The following OTUD7B variants were observed in gnomAD, a reference collection of about 807,000 sequenced individuals.
OTUD7B encodes OTU domain-containing protein 7B.
A neutral mutation model predicts 82.2 loss-of-function variants in OTUD7B; 34 were observed. The ratio of observed to expected loss-of-function variants is 0.41; its 90% confidence interval spans 0.31 to 0.55. The LOEUF is 0.55. Ranked by LOEUF, OTUD7B falls within the 20% of genes least tolerant of loss-of-function variation. The pLI is 0.20. For synonymous variants in OTUD7B, 398 were observed against 402.7 expected (o/e 0.99, Z 0.14); for missense variants, 944 against 1,062.1 (o/e 0.89, Z 1.55).
At chr1:150,040,591 T>C in the OTUD7B span, among the ~76,000 whole-genome samples, 1 of 152,222 alleles carries the variant, frequency 6.6e-6, no homozygotes, top group African/African-American at 2.4e-5. Context: ...AGAAATATAT[T>C]GCAAATGTCT....
chr1:149,956,131 C>T (rs908894066), intron 7 of OTUD7B, among the ~76,000 whole-genome samples: 6 of 152,088 alleles, frequency 3.9e-5, no homozygotes, highest in Non-Finnish European at 7.4e-5. Context: ...TTCCTAGCAT[C>T]GATGGTCTTT....
intron 1 of OTUD7B, among the ~76,000 whole-genome samples, chr1:150,002,814 CACTCTCAATAAATGT>C: frequency 6.6e-6 from 1 of 152,298 alleles, no homozygotes; most frequent in Admixed American, 6.5e-5. Flanking sequence ...TAAATATGAT[CACTCTCAATAAATGT>C]GTTCAGTATA....
At chr1:150,058,307 G>T in the OTUD7B span, among the ~76,000 whole-genome samples, 1 of 152,182 alleles carries the variant, frequency 6.6e-6, no homozygotes, top group South Asian at 2.1e-4. Context: ...AGGAGTTCGA[G>T]ATCAGCCTGG....
chr1:149,999,766 A>C (rs1254290587), intron 1 of OTUD7B, among the ~76,000 whole-genome samples: 1 of 152,228 alleles, frequency 6.6e-6, no homozygotes, highest in African/African-American at 2.4e-5. Context: ...GTCGTGTCTT[A>C]ATTCTTCACA....
Position 149,959,707 on chromosome 1 carries a change from A to T in OTUD7B, c.822T>A (p.Gly274=), listed in dbSNP as rs782262593. 140 of 1,612,828 alleles carry T rather than the reference A, an allele frequency of 8.7e-5. No individual in the cohort carries two copies. The highest frequency in any genetic ancestry group is 1.1e-4 in the Non-Finnish European group (132 of 1,179,036). The change falls in exon 7 of 12, where the codon GGT becomes GGA. Residue 274 remains glycine (G), a synonymous_variant. Transcript: ENST00000581312. The part of the protein sequence containing the change: ...LASSEPRMHL[G]TNGANCGGVE... ...ACCCACCACAGTTGGCTCCATTGGTACCTAGATGCATTCGGGGTTCACTTG... is the reference window on the plus strand; with the variant it reads ...ACCCACCACAGTTGGCTCCATTGGTTCCTAGATGCATTCGGGGTTCACTTG...
chr1:149,941,743 T>G lies in OTUD7B; in HGVS notation c.*2114A>C, dbSNP rs781959828. ...TCAGATCCTGTAAGATTTCGCTATT[T>G]TATCCAACATAAATTTTTTGCATTA... On this transcript the variant is annotated 3_prime_UTR_variant, in exon 12 of 12. Transcript: ENST00000581312. The G allele has an allele frequency of 6.6e-6, 1 of 152,210 alleles. No homozygotes were observed. Among genetic ancestry groups the G allele is most frequent in the Non-Finnish European group, 1.5e-5 (1 of 68,042 alleles). The allele number at this position is 152,210 out of a possible 1,614,324, so 9.4% of individuals were successfully genotyped here.
At position 149,977,125 on chromosome 1, in the gene OTUD7B, A is replaced by C. The variant is rs782576660; in HGVS notation, c.85+301T>G. Among the ~76,000 whole-genome samples, 51 of 152,314 alleles carry C rather than the reference A, an allele frequency of 3.3e-4. 1 individual carries two copies. Among genetic ancestry groups the C allele is most frequent in the African/African-American group, 1.2e-3 (48 of 41,568 alleles). On this transcript the variant is annotated intron_variant, in intron 2 of 11. Coordinates refer to ENST00000581312, the MANE Select transcript of OTUD7B (RefSeq NM_020205.4). Reference sequence around the variant, plus strand: ...AACAGAGCGAGACTCTGTCTCAAAAATAAATAAATAAAATAAAATAAAATA... The same window carrying C: ...AACAGAGCGAGACTCTGTCTCAAAACTAAATAAATAAAATAAAATAAAATA...
chr1:149,996,544 A>T (rs1651937987), intron 1 of OTUD7B, among the ~76,000 whole-genome samples: 1 of 152,182 alleles, frequency 6.6e-6, no homozygotes, highest in South Asian at 2.1e-4. Flanking sequence ...TTGATTTGTG[A>T]CCTTGGGTAA....
At chr1:150,062,809 G>C in the OTUD7B span, among the ~76,000 whole-genome samples, 1 of 145,376 alleles carries the variant, frequency 6.9e-6, no homozygotes, top group Non-Finnish European at 1.5e-5. Flanking sequence ...CCACCTCCCG[G>C]GTTTAAGCGA....
chr1:149,950,851 G>T (rs1372921474), intron 7 of OTUD7B, among the ~76,000 whole-genome samples: 2 of 141,934 alleles, frequency 1.4e-5, no homozygotes, highest in South Asian at 2.2e-4. Context: ...TGGAGCAGTG[G>T]CGCGATCTCG....
chr1:149,951,435 G>A (rs1296831475), intron 7 of OTUD7B, among the ~76,000 whole-genome samples: 1 of 152,102 alleles, frequency 6.6e-6, no homozygotes, highest in East Asian at 1.9e-4. Flanking sequence ...TGTCTCCCGG[G>A]CTTATCTTTA....
the OTUD7B span, among the ~76,000 whole-genome samples, chr1:150,032,476 A>AAAG: frequency 6.7e-6 from 1 of 149,510 alleles, no homozygotes; most frequent in Non-Finnish European, 1.5e-5. Flanking sequence ...AAAAAAAAAA[A>AAAG]AAAAAAAAAA....
chr1:150,046,444 ATTTTTTT>A, the OTUD7B span, among the ~76,000 whole-genome samples: 13 of 89,126 alleles, frequency 1.5e-4, no homozygotes, highest in Non-Finnish European at 1.6e-4. Flanking sequence ...CTCCAGTGGC[ATTTTTTT>A]TTTTTTTTTT....
chr1:150,012,693 A>G (rs587595670), upstream of OTUD7B, among the ~76,000 whole-genome samples: 1 of 152,330 alleles, frequency 6.6e-6, no homozygotes, highest in East Asian at 1.9e-4. Flanking sequence ...TGCTGGTCAA[A>G]GTCATTTAAG....
At chr1:149,988,558 TTAA>T (rs1374589512) in intron 1 of OTUD7B, among the ~76,000 whole-genome samples, 3 of 152,142 alleles carry the variant, frequency 2.0e-5, no homozygotes, top group African/African-American at 7.2e-5. Flanking sequence ...TTTGGGAAAT[TTAA>T]TAATTTGGAA....
chr1:150,060,275 T>C, the OTUD7B span, among the ~76,000 whole-genome samples: 1 of 152,160 alleles, frequency 6.6e-6, no homozygotes, highest in East Asian at 1.9e-4. Flanking sequence ...TATCTCTGTA[T>C]GGGATTGCAT....
At chr1:149,979,930 A>T (rs1310195858) in intron 1 of OTUD7B, among the ~76,000 whole-genome samples, 2 of 151,910 alleles carry the variant, frequency 1.3e-5, no homozygotes, top group Non-Finnish European at 2.9e-5. Flanking sequence ...TTCTCTCTTT[A>T]AAAAAAAGCA....
At chr1:150,020,499 T>A in the OTUD7B span, among the ~76,000 whole-genome samples, 1 of 152,146 alleles carries the variant, frequency 6.6e-6, no homozygotes, top group Non-Finnish European at 1.5e-5. Flanking sequence ...ATCATGCCAC[T>A]GCACTCCAGC....
At chr1:150,061,801 T>C in the OTUD7B span, among the ~76,000 whole-genome samples, 1 of 152,218 alleles carries the variant, frequency 6.6e-6, no homozygotes, top group African/African-American at 2.4e-5. Context: ...CTAAATGATG[T>C]ATTAGTCTTT....
Sources: gnomAD v4.1 joint callset for allele counts (sites outside exome capture counted in the v4.1 genomes callset) on GRCh38, gnomAD v4.1.1 for gene constraint, MANE v1.5 for transcripts, NCBI Gene and HGNC (gene_info 2026-07-23, HGNC 2026-07-21) for gene names.